The following BEND7 variants were observed in gnomAD, a reference collection of about 807,000 sequenced individuals.
The protein encoded by BEND7 is BEN domain containing 7, also known as BEN domain-containing protein 7.
In BEND7, 28 loss-of-function variants were observed where a neutral mutation model predicts 50.9. The observed-to-expected ratio is 0.55, with a 90% CI of 0.41 to 0.75. BEND7 has a LOEUF of 0.75. Ranked by LOEUF, BEND7 falls within the 30% of genes least tolerant of loss-of-function variation. The pLI is 0.00. For missense variants in BEND7, 477 were observed against 491.3 expected (o/e 0.97, Z 0.28); for synonymous variants, 170 against 183.9 (o/e 0.92, Z 0.61).
intron 2 of BEND7, among the ~76,000 whole-genome samples, chr10:13,517,507 C>A (rs1276275393): frequency 6.6e-6 from 1 of 152,090 alleles, no homozygotes; most frequent in Non-Finnish European, 1.5e-5. Context: ...AATCCCAGCA[C>A]TGTGGGAGGC....
In BEND7 at chr10:13,499,942, C is replaced by T. The variant is rs962893119; in HGVS notation, c.284G>A (p.Trp95Ter). ...KEEPQDLDLV[W>*]PPRLNSSAEA... is the part of the protein sequence containing the mutation. ...AGCAGAGGAGTTCAAACGTGGAGGCCAGACTAAATCCAGGTCCTGGGGCTC... is the reference window on the plus strand; with the variant it reads ...AGCAGAGGAGTTCAAACGTGGAGGCTAGACTAAATCCAGGTCCTGGGGCTC... The change falls in exon 3 of 9, where the codon TGG (tryptophan) becomes TAG (stop). Residue 95 changes from tryptophan (W) to a stop codon, truncating the protein, a stop_gained. Transcript: ENST00000466271. LOFTEE classifies it high-confidence loss of function. 2.5e-6 allele frequency: 4 copies of T among 1,614,078 alleles called. No individual in the cohort carries two copies. Among genetic ancestry groups the T allele is most frequent in the Non-Finnish European group, 3.4e-6 (4 of 1,180,044 alleles).
intron 6 of BEND7, among the ~76,000 whole-genome samples, chr10:13,461,307 C>A (rs1840152247): frequency 6.6e-6 from 1 of 152,136 alleles, no homozygotes; most frequent in South Asian, 2.1e-4. Flanking sequence ...GGTCTTGGGC[C>A]TATGTGATGG....
At chr10:13,481,678 T>G (rs2131743559) in intron 5 of BEND7, among the ~76,000 whole-genome samples, 1 of 152,350 alleles carries the variant, frequency 6.6e-6, no homozygotes. Context: ...CAATGAAAAC[T>G]TTTGTAAACT....
intron 5 of BEND7, among the ~76,000 whole-genome samples, chr10:13,487,666 G>A (rs893246927): frequency 3.3e-5 from 5 of 152,002 alleles, no homozygotes; most frequent in East Asian, 1.9e-4. Flanking sequence ...GATTACAGGC[G>A]TGAGCCACCG....
chr10:13,476,876 T>C (rs1374785355), intron 6 of BEND7, among the ~76,000 whole-genome samples: 1 of 152,238 alleles, frequency 6.6e-6, no homozygotes, highest in Non-Finnish European at 1.5e-5. Context: ...TGAATGTTTC[T>C]AATTAAAAAC....
chr10:13,452,911 T>C (rs1022787351), intron 6 of BEND7, among the ~76,000 whole-genome samples: 1 of 152,208 alleles, frequency 6.6e-6, no homozygotes, highest in African/African-American at 2.4e-5. Flanking sequence ...AGCTACTCTT[T>C]CTACTGGCTC....
Position 13,441,745 on chromosome 10 carries a change from A to T in BEND7, c.1240T>A (p.Ter414ArgextTer1), listed in dbSNP as rs776195311. The part of the protein sequence containing the change: ...DGIALPPTVV[*>R] Reference sequence around the variant, plus strand: ...GAGCTGTGGTTTGCAGTCCTTCATCAGACCACTTGAGAAAACAAAGGGACT... The same window carrying T: ...GAGCTGTGGTTTGCAGTCCTTCATCTGACCACTTGAGAAAACAAAGGGACT... Residue 414 changes from the stop codon to arginine (R), a stop_lost, in exon 9 of 9, where the codon TGA (stop) becomes AGA (arginine). Coordinates refer to ENST00000466271, the MANE Select transcript of BEND7 (RefSeq NM_001369863.1). 1.9e-6 allele frequency: 3 copies of T among 1,613,934 alleles called. No individual in the cohort carries two copies. The South Asian group carries it at 3.3e-5, about 18-fold the overall frequency.
chr10:13,501,374 C>CAAAAAAAAAAAA (rs58905816), intron 2 of BEND7, among the ~76,000 whole-genome samples: 1 of 72,968 alleles, frequency 1.4e-5, no homozygotes. Flanking sequence ...AACTCCATCT[C>CAAAAAAAAAAAA]AAAAAAAAAA....
At chr10:13,503,544 C>G (rs2077636741) in intron 2 of BEND7, among the ~76,000 whole-genome samples, 1 of 152,208 alleles carries the variant, frequency 6.6e-6, no homozygotes, top group African/African-American at 2.4e-5. Context: ...GAAAGCCTGT[C>G]TCTACTAAAA....
chr10:13,509,509 C>T (rs573712371), intron 2 of BEND7, among the ~76,000 whole-genome samples: 35 of 152,242 alleles, frequency 2.3e-4, no homozygotes, highest in African/African-American at 7.7e-4. Flanking sequence ...TTACGGTGTC[C>T]GTGACTGAAC....
intron 5 of BEND7, among the ~76,000 whole-genome samples, chr10:13,490,471 C>CG (rs2076570443): frequency 6.6e-6 from 1 of 152,198 alleles, no homozygotes; most frequent in Non-Finnish European, 1.5e-5. Flanking sequence ...ACTCAGTCCC[C>CG]GTGTCCCTCC....
At chr10:13,441,958 T>A in intron 8 of BEND7, 1 of 598,482 alleles carries the variant, frequency 1.7e-6, no homozygotes. Flanking sequence ...GCCAGCTTTT[T>A]GTTACAGTAC....
At chr10:13,480,469 C>A (rs138034803) in intron 6 of BEND7, 2 of 323,690 alleles carry the variant, frequency 6.2e-6, no homozygotes, top group Non-Finnish European at 8.8e-6. Context: ...GAAGCAACAA[C>A]CTGGTAAAGC....
intron 5 of BEND7, among the ~76,000 whole-genome samples, chr10:13,486,220 G>T (rs1485984148): frequency 2.0e-5 from 3 of 152,138 alleles, no homozygotes; most frequent in Non-Finnish European, 2.9e-5. Context: ...GTAGAGAGGG[G>T]GGTCTCGCTT....
At chr10:13,498,082 T>C (rs1158694330) in intron 3 of BEND7, among the ~76,000 whole-genome samples, 1 of 146,668 alleles carries the variant, frequency 6.8e-6, no homozygotes, top group Non-Finnish European at 1.5e-5. Context: ...TTTTTTTTTT[T>C]TTTTTTTTTT....
intron 2 of BEND7, chr10:13,500,461 C>CCA: frequency 1.0e-6 from 1 of 980,238 alleles, no homozygotes; most frequent in Non-Finnish European, 1.2e-6. Context: ...CTCTGATGGG[C>CCA]CACAGCCACC....
chr10:13,484,791 C>T (rs1387916346), intron 5 of BEND7, among the ~76,000 whole-genome samples: 2 of 152,114 alleles, frequency 1.3e-5, no homozygotes, highest in African/African-American at 4.8e-5. Flanking sequence ...GTCTGAATTC[C>T]TACTATAAAT....
intron 2 of BEND7, 119 bp downstream of exon 2, chr10:13,526,019 A>C: frequency 2.5e-6 from 1 of 400,408 alleles, no homozygotes; most frequent in Non-Finnish European, 4.4e-6. Context: ...GGTCTTGAAA[A>C]GAATGTCATA....
intron 2 of BEND7, among the ~76,000 whole-genome samples, chr10:13,500,345 C>T (rs1286811412): frequency 6.6e-6 from 1 of 152,170 alleles, no homozygotes; most frequent in African/African-American, 2.4e-5. Context: ...TCATCAGGAA[C>T]AAACATGACA....
Sources: allele counts gnomAD v4.1 joint callset (sites outside exome capture counted in the v4.1 genomes callset), GRCh38; gene constraint gnomAD v4.1.1; transcripts MANE v1.5; gene names NCBI Gene and HGNC (gene_info 2026-07-23, HGNC 2026-07-21).